PRKAR2A: variants seen among roughly 807,000 people sequenced by gnomAD.
The protein encoded by PRKAR2A is protein kinase cAMP-dependent type II regulatory subunit alpha, also known as cAMP-dependent protein kinase type II-alpha regulatory subunit.
A neutral mutation model predicts 51.9 loss-of-function variants in PRKAR2A; 29 were observed. That is an observed-to-expected ratio of 0.56 (90% CI 0.42 to 0.76). PRKAR2A has a LOEUF of 0.76. Among genes scored for constraint, PRKAR2A ranks in the 30% least tolerant of loss-of-function variants. PRKAR2A has a pLI of 0.00. For missense variants in PRKAR2A, 445 were observed against 512.1 expected (o/e 0.87, Z 1.26); for synonymous variants, 178 against 186.2 (o/e 0.96, Z 0.36).
chr3:48,806,579 T>A (rs1410668533), intron 2 of PRKAR2A, among the ~76,000 whole-genome samples: 1 of 152,018 alleles, frequency 6.6e-6, no homozygotes, highest in East Asian at 1.9e-4. Flanking sequence ...TTAACATCTC[T>A]AACTCAATTA....
At chr3:48,752,856 C>G (rs1196816173) in intron 9 of PRKAR2A, among the ~76,000 whole-genome samples, 1 of 150,370 alleles carries the variant, frequency 6.7e-6, no homozygotes, top group Non-Finnish European at 1.5e-5. Flanking sequence ...ATTCACTGCT[C>G]CTGGCCAACA....
At chr3:48,758,491 G>A (rs535700462) in intron 8 of PRKAR2A, among the ~76,000 whole-genome samples, 4 of 144,752 alleles carry the variant, frequency 2.8e-5, no homozygotes, top group Admixed American at 7.0e-5. Context: ...GCTAAGGCAC[G>A]AGAATCGCTT....
At position 48,747,634 on chromosome 3, in the gene PRKAR2A, A is replaced by G. The variant is rs1024046728; in HGVS notation, c.*3951T>C. 6.6e-5 allele frequency: 10 copies of G among 152,242 alleles called. No homozygotes were observed. Among genetic ancestry groups the G allele is most frequent in the African/African-American group, 2.4e-4 (10 of 41,458 alleles). The allele number at this position is 152,242 out of a possible 1,614,324, so 9.4% of individuals were successfully genotyped here. A position where few individuals can be genotyped will look rare whatever the true frequency, so the allele number is the denominator to read the frequency against. ...TATGAAGACTATTGACTAACAGGAC[A>G]ATAGCACATGAACCTTTCCTTCAGA... On this transcript the variant is annotated 3_prime_UTR_variant, in exon 11 of 11. Coordinates refer to ENST00000265563, the MANE Select transcript of PRKAR2A (RefSeq NM_004157.4).
chr3:48,792,455 C>CTTTTTTTT (rs983032500), intron 3 of PRKAR2A, among the ~76,000 whole-genome samples: 3 of 66,808 alleles, frequency 4.5e-5, no homozygotes, highest in African/African-American at 5.6e-5. Flanking sequence ...AAGGTTTAAT[C>CTTTTTTTT]TTTTTTTTTT....
intron 6 of PRKAR2A, among the ~76,000 whole-genome samples, chr3:48,769,379 A>C (rs943687507): frequency 1.3e-5 from 2 of 151,598 alleles, no homozygotes; most frequent in African/African-American, 2.4e-5. Context: ...GGATGGTCTC[A>C]ATCTCCTGAC....
intron 5 of PRKAR2A, among the ~76,000 whole-genome samples, chr3:48,775,073 T>C (rs1016916916): frequency 1.3e-5 from 2 of 152,230 alleles, no homozygotes; most frequent in African/African-American, 2.4e-5. Context: ...ATGTTGAATT[T>C]TGTCAAATGC....
intron 3 of PRKAR2A, among the ~76,000 whole-genome samples, chr3:48,793,659 A>G (rs2082430215): frequency 6.6e-6 from 1 of 150,908 alleles, no homozygotes; most frequent in South Asian, 2.1e-4. Context: ...AAACCAGCTA[A>G]TTTTTTTTTC....
intron 1 of PRKAR2A, among the ~76,000 whole-genome samples, chr3:48,833,048 G>C (rs1170510392): frequency 6.6e-6 from 1 of 152,060 alleles, no homozygotes; most frequent in Non-Finnish European, 1.5e-5. Flanking sequence ...GCTGCTTGTA[G>C]GTTATTGAAA....
intron 2 of PRKAR2A, among the ~76,000 whole-genome samples, chr3:48,807,056 C>T (rs888048474): frequency 6.6e-6 from 1 of 152,084 alleles, no homozygotes; most frequent in African/African-American, 2.4e-5. Context: ...TGGGTGTGAG[C>T]CACCGCGCCT....
downstream of PRKAR2A, among the ~76,000 whole-genome samples, chr3:48,745,301 C>T (rs960824815): frequency 5.9e-5 from 9 of 151,902 alleles, no homozygotes; most frequent in Non-Finnish European, 7.4e-5. Flanking sequence ...TCCCAAAGCA[C>T]CTGGATTACA....
At chr3:48,789,885 TTC>T (rs939449986) in intron 4 of PRKAR2A, among the ~76,000 whole-genome samples, 1 of 151,844 alleles carries the variant, frequency 6.6e-6, no homozygotes. Flanking sequence ...TTCCTTTTCT[TTC>T]TCTCTTCCTT....
chr3:48,844,896 G>T (rs2083438639), intron 1 of PRKAR2A, among the ~76,000 whole-genome samples: 1 of 150,218 alleles, frequency 6.7e-6, no homozygotes, highest in African/African-American at 2.5e-5. Context: ...CGAGTTAATG[G>T]GTGCAGCACA....
intron 6 of PRKAR2A, among the ~76,000 whole-genome samples, chr3:48,766,938 A>C (rs2081950395): frequency 6.6e-6 from 1 of 152,150 alleles, no homozygotes; most frequent in South Asian, 2.1e-4. Context: ...TCAGCCTCCC[A>C]AGTAGCTGGG....
chr3:48,808,055 T>C (rs972647121), intron 1 of PRKAR2A, among the ~76,000 whole-genome samples: 2 of 147,368 alleles, frequency 1.4e-5, no homozygotes, highest in African/African-American at 2.5e-5. Flanking sequence ...TTTCTTTTTT[T>C]TTTTTTTTTT....
At chr3:48,806,947 A>G (rs556641042) in intron 2 of PRKAR2A, among the ~76,000 whole-genome samples, 27 of 151,932 alleles carry the variant, frequency 1.8e-4, no homozygotes, top group African/African-American at 6.0e-4. Flanking sequence ...ATTTTTTTGT[A>G]CTTTTAGTAG....
chr3:48,840,563 T>C (rs912755176), intron 1 of PRKAR2A, among the ~76,000 whole-genome samples: 2 of 146,064 alleles, frequency 1.4e-5, no homozygotes, highest in African/African-American at 5.0e-5. Flanking sequence ...TGGTTTGTTT[T>C]CACCTTTTTT....
intron 4 of PRKAR2A, among the ~76,000 whole-genome samples, chr3:48,787,150 G>A (rs1283010258): frequency 2.3e-5 from 3 of 128,262 alleles, no homozygotes; most frequent in Non-Finnish European, 3.3e-5. Context: ...ATTGAGAAAA[G>A]TAATTATTTA....
chr3:48,842,391 T>G (rs2083394999), intron 1 of PRKAR2A, among the ~76,000 whole-genome samples: 1 of 152,188 alleles, frequency 6.6e-6, no homozygotes, highest in African/African-American at 2.4e-5. Flanking sequence ...TTTTCCTAAC[T>G]GAATAGCCTT....
At chr3:48,845,870 TGTGAGGTTGGGGTTG>T (rs1356775197) in intron 1 of PRKAR2A, among the ~76,000 whole-genome samples, 2 of 151,782 alleles carry the variant, frequency 1.3e-5, no homozygotes, top group Non-Finnish European at 2.9e-5. Flanking sequence ...ACCTTGAGCT[TGTGAGGTTGGGGTTG>T]CAGTGAGCCC....
Sources: gnomAD v4.1 joint callset for allele counts (sites outside exome capture counted in the v4.1 genomes callset) on GRCh38, gnomAD v4.1.1 for gene constraint, MANE v1.5 for transcripts, NCBI Gene and HGNC (gene_info 2026-07-23, HGNC 2026-07-21) for gene names.